Variants in FHAD1 observed in about 807,000 individuals in gnomAD.
The protein encoded by FHAD1 is forkhead-associated domain-containing protein 1.
A neutral mutation model predicts 191.3 loss-of-function variants in FHAD1; 146 were observed. That is an observed-to-expected ratio of 0.76 (90% CI 0.67 to 0.88). The LOEUF (loss-of-function observed/expected upper bound fraction) is 0.88. Among genes scored for constraint, FHAD1 ranks in the 40% least tolerant of loss-of-function variants. The probability of loss-of-function intolerance (pLI) is 0.00; values close to 1 mark genes in which losing one functional copy is unlikely to be tolerated. For missense variants in FHAD1, 1,635 were observed against 1,785.8 expected, an observed-to-expected ratio of 0.92 and a Z score of 1.52; for synonymous variants, 616 against 672.3, an observed-to-expected ratio of 0.92 and a Z score of 1.29.
chr1:15,342,210 C>A (rs568604097), intron 16 of FHAD1, among the ~76,000 whole-genome samples: 3 of 152,268 alleles, frequency 2.0e-5, no homozygotes, highest in Non-Finnish European at 4.4e-5. Context: ...CAGACTGTTT[C>A]TAAATGTGCG....
chr1:15,242,006 G>A (rs1296757779), intron 1 of FHAD1, among the ~76,000 whole-genome samples: 2 of 152,184 alleles, frequency 1.3e-5, no homozygotes, highest in South Asian at 2.1e-4. Context: ...AAGCTGAGGC[G>A]GGTGGATCAC....
intron 16 of FHAD1, among the ~76,000 whole-genome samples, chr1:15,344,678 T>A (rs1261474669): frequency 6.6e-6 from 1 of 152,192 alleles, no homozygotes; most frequent in Non-Finnish European, 1.5e-5. Flanking sequence ...CTCTTGTGAT[T>A]TACTAGTAAA....
At chr1:15,383,670 A>G (rs953853952) in intron 31 of FHAD1, 2 of 302,734 alleles carry the variant, frequency 6.6e-6, no homozygotes, top group Non-Finnish European at 1.3e-5. Context: ...TAGGCAAGTC[A>G]GGGAAAGAAC....
At chr1:15,356,475 A>G (rs1692835939) in intron 20 of FHAD1, among the ~76,000 whole-genome samples, 1 of 152,206 alleles carries the variant, frequency 6.6e-6, no homozygotes, top group African/African-American at 2.4e-5. Context: ...CCACTCATTT[A>G]CAGAAAAGAA....
chr1:15,370,919 C>G (rs143001687), intron 26 of FHAD1, among the ~76,000 whole-genome samples: 1,802 of 152,272 alleles, frequency 0.012, 9 homozygotes, highest in Non-Finnish European at 0.018. Flanking sequence ...CTCAGAGATG[C>G]CTTTCCCCTG....
chr1:15,341,805 GAGA>G lies in FHAD1; in HGVS notation c.2050_2052del (p.Lys684del), dbSNP rs1686802282. On this transcript the variant is annotated inframe_deletion, in exon 16 of 34. Transcript: ENST00000688493. ...GGAAAAGCTGCGGGAGCATCTGGCA[GAGA>G]AGGAGAAGCTGAACGAGGAGAGGCT... 1 of 1,551,780 alleles carries G rather than the reference GAGA, an allele frequency of 6.4e-7. No homozygotes were observed. The highest frequency in any genetic ancestry group is 8.7e-7 in the Non-Finnish European group (1 of 1,146,982).
chr1:15,380,821 G>A (rs1037567372), intron 29 of FHAD1, 25 bp downstream of exon 29: 9 of 1,542,596 alleles, frequency 5.8e-6, no homozygotes, highest in Non-Finnish European at 7.9e-6. Flanking sequence ...CATCCACCCT[G>A]CTCCTATCCA....
In FHAD1 at chr1:15,362,052, C is replaced by T. The variant is rs181724577; in HGVS notation, c.2963-590C>T. On this transcript the variant is annotated intron_variant, in intron 22 of 33. Coordinates refer to ENST00000688493, the MANE Select transcript of FHAD1 (RefSeq NM_001391957.1). ...GATTGAGCTGGGACCTGAAGGGTGACGTCCAGGTCAGAGGGAGGGTGTTTG... is the reference window on the plus strand; with the variant it reads ...GATTGAGCTGGGACCTGAAGGGTGATGTCCAGGTCAGAGGGAGGGTGTTTG... 1.4e-4 allele frequency among the ~76,000 whole-genome samples: 20 copies of T among 141,360 alleles called. No individual in the cohort carries two copies. In the East Asian group the frequency reaches 2.5e-3, roughly 18 times the overall value. The allele number at this position is 141,360 out of a possible 152,430, so 92.7% of individuals were successfully genotyped here. A position where few individuals can be genotyped will look rare whatever the true frequency, so the allele number is the denominator to read the frequency against.
At chr1:15,304,838 C>G (rs974142642) in intron 6 of FHAD1, among the ~76,000 whole-genome samples, 1 of 152,014 alleles carries the variant, frequency 6.6e-6, no homozygotes, top group Non-Finnish European at 1.5e-5. Flanking sequence ...AACCTTGATC[C>G]TTCTGTTAAT....
At chr1:15,313,287 T>G in intron 8 of FHAD1, 100 bp downstream of exon 8, 1 of 1,162,668 alleles carries the variant, frequency 8.6e-7, no homozygotes, top group East Asian at 5.0e-5. Context: ...GGCCCTTAGT[T>G]TAAATTTCAT....
intron 32 of FHAD1, 92 bp from the exon 33 acceptor site, chr1:15,391,118 A>T (rs1703927917): frequency 1.7e-6 from 1 of 583,940 alleles, no homozygotes; most frequent in Non-Finnish European, 2.6e-6. Context: ...AATGGTTAGC[A>T]TCTAAAAGTG....
intron 4 of FHAD1, among the ~76,000 whole-genome samples, chr1:15,291,078 C>T (rs949217118): frequency 6.6e-6 from 1 of 151,506 alleles, no homozygotes; most frequent in Non-Finnish European, 1.5e-5. Context: ...CCCCTCCCCA[C>T]CTAAATCTAC....
chr1:15,381,131 T>C lies in FHAD1; in HGVS notation c.3802-100T>C, dbSNP rs994855378. 1.3e-5 allele frequency: 10 copies of C among 789,050 alleles called. No individual in the cohort carries two copies. Among genetic ancestry groups the C allele is most frequent in the African/African-American group, 1.7e-5 (1 of 57,216 alleles). 48.9% of individuals were successfully genotyped at this position (789,050 alleles called of 1,614,324 possible). ...CAAAGCATGTGCGTGTTCTCTGCAA[T>C]TGCAGAAAGTGAATGAAACAGAATT... On this transcript the variant is annotated intron_variant, in intron 29 of 33. Transcript: ENST00000688493. This position sits in a 1 kb window ranked among gnomAD's most constrained non-coding sequence, Gnocchi z 4.6.
At chr1:15,356,871 CA>C (rs55899016) in intron 20 of FHAD1, among the ~76,000 whole-genome samples, 62,288 of 137,224 alleles carry the variant, frequency 0.45, 13,191 homozygotes, top group African/African-American at 0.52. Context: ...GACTCCATCT[CA>C]AAAAAAAAAA....
At chr1:15,363,815 A>G (rs1291237291) in intron 23 of FHAD1, 3 of 455,606 alleles carry the variant, frequency 6.6e-6, no homozygotes, top group Admixed American at 4.7e-5. Context: ...GGAAAGATCC[A>G]GAAAGCAGCA....
chr1:15,383,426 A>G, intron 31 of FHAD1: 1 of 371,274 alleles, frequency 2.7e-6, no homozygotes, highest in Non-Finnish European at 5.4e-6. Context: ...CAGACCCGGT[A>G]GGGTCTACAC....
At chr1:15,286,076 T>C (rs1462271094) in intron 3 of FHAD1, among the ~76,000 whole-genome samples, 1 of 152,242 alleles carries the variant, frequency 6.6e-6, no homozygotes, top group African/African-American at 2.4e-5. Context: ...TTAATGAGAA[T>C]ATATTTTCAC....
intron 2 of FHAD1, among the ~76,000 whole-genome samples, chr1:15,260,055 A>G (rs1180875787): frequency 6.6e-6 from 1 of 152,162 alleles, no homozygotes; most frequent in Admixed American, 6.5e-5. Context: ...CCCCTCCTCA[A>G]AAGGCTTTGA....
intron 2 of FHAD1, among the ~76,000 whole-genome samples, chr1:15,269,993 C>T (rs979075279): frequency 6.7e-6 from 1 of 149,214 alleles, no homozygotes; most frequent in Admixed American, 6.9e-5. Flanking sequence ...TCACTGCAAC[C>T]TCCACCTACT....
Sources: allele counts gnomAD v4.1 joint callset (sites outside exome capture counted in the v4.1 genomes callset), GRCh38; gene constraint gnomAD v4.1.1; non-coding constraint Gnocchi (gnomAD v3.1); transcripts MANE v1.5; gene names NCBI Gene and HGNC (gene_info 2026-07-23, HGNC 2026-07-21).